The following ACSS1 variants were observed in gnomAD, a reference collection of about 807,000 sequenced individuals.
The protein encoded by ACSS1 is acetyl-coenzyme A synthetase 2-like, mitochondrial.
A neutral mutation model predicts 75.3 loss-of-function variants in ACSS1; 42 were observed. The observed-to-expected ratio is 0.56, with a 90% CI of 0.44 to 0.72. ACSS1 has a LOEUF of 0.72. ACSS1 is among the 30% of genes least tolerant of loss of function. The pLI is 0.00. For synonymous variants in ACSS1, 380 were observed against 376.8 expected (o/e 1.01, Z -0.10); for missense variants, 782 against 935.7 (o/e 0.84, Z 2.14).
intron 7 of ACSS1, among the ~76,000 whole-genome samples, chr20:25,017,282 T>C (rs2088536121): frequency 6.6e-6 from 1 of 152,186 alleles, no homozygotes; most frequent in Admixed American, 6.5e-5. Flanking sequence ...AGGGGGAATG[T>C]CTTGAGTGAG....
intron 7 of ACSS1, among the ~76,000 whole-genome samples, chr20:25,018,970 T>A (rs2088569285): frequency 1.3e-5 from 2 of 152,198 alleles, no homozygotes; most frequent in Admixed American, 1.3e-4. Context: ...TGGGAACAAG[T>A]GGTGAGCTCT....
At chr20:25,026,394 G>T (rs1406711509) in intron 3 of ACSS1, among the ~76,000 whole-genome samples, 1 of 152,192 alleles carries the variant, frequency 6.6e-6, no homozygotes, top group Non-Finnish European at 1.5e-5. Flanking sequence ...TAGGACACTG[G>T]CAGTTGCTAT....
At chr20:25,037,987 G>A (rs888373116) in intron 2 of ACSS1, among the ~76,000 whole-genome samples, 11 of 152,190 alleles carry the variant, frequency 7.2e-5, no homozygotes, top group African/African-American at 2.7e-4. Context: ...ATTATTTGAT[G>A]TCATGACCAT....
chr20:25,054,155 C>A (rs1332521381), intron 1 of ACSS1, among the ~76,000 whole-genome samples: 1 of 152,232 alleles, frequency 6.6e-6, no homozygotes, highest in African/African-American at 2.4e-5. Flanking sequence ...CCTCAACTGG[C>A]TATTGGAGTT....
At chr20:25,040,669 G>C (rs1272571957) in intron 2 of ACSS1, among the ~76,000 whole-genome samples, 1 of 152,152 alleles carries the variant, frequency 6.6e-6, no homozygotes, top group Non-Finnish European at 1.5e-5. Flanking sequence ...CTCCTGATAG[G>C]ACTGACTGCA....
chr20:25,016,986 T>C (rs917012574), intron 7 of ACSS1, among the ~76,000 whole-genome samples: 2 of 151,810 alleles, frequency 1.3e-5, no homozygotes, highest in African/African-American at 4.8e-5. Flanking sequence ...AGCTTTTTTT[T>C]TTTTTCTTTT....
chr20:25,007,426 C>T lies in ACSS1; in HGVS notation c.*336G>A. On this transcript the variant is annotated 3_prime_UTR_variant, in exon 14 of 14. Coordinates refer to ENST00000323482, the MANE Select transcript of ACSS1 (RefSeq NM_032501.4). ...GCTAACTAGCTCTGTGTTATCTGAG[C>T]AGGCGCGCTATCCCAGGGCCTCACC... 1.7e-6 allele frequency: 2 copies of T among 1,163,572 alleles called. No homozygotes were observed. Among genetic ancestry groups the T allele is most frequent in the East Asian group, 4.9e-5 (1 of 20,250 alleles). The allele number at this position is 1,163,572 out of a possible 1,614,324, so 72.1% of individuals were successfully genotyped here. A position where few individuals can be genotyped will look rare whatever the true frequency, so the allele number is the denominator to read the frequency against.
At chr20:25,031,093 C>G (rs1282501293) in intron 2 of ACSS1, 135 bp from the exon 3 acceptor site, 1 of 868,192 alleles carries the variant, frequency 1.2e-6, no homozygotes, top group Non-Finnish European at 1.9e-6. Context: ...CACTTGAATA[C>G]TTAATGCATG....
At chr20:25,014,805 C>T (rs2088486368) in intron 8 of ACSS1, among the ~76,000 whole-genome samples, 1 of 152,218 alleles carries the variant, frequency 6.6e-6, no homozygotes, top group Non-Finnish European at 1.5e-5. Flanking sequence ...AGGGACACGG[C>T]CCCTGAGCTC....
chr20:25,034,474 A>G (rs2088876429), intron 2 of ACSS1, among the ~76,000 whole-genome samples: 1 of 152,096 alleles, frequency 6.6e-6, no homozygotes, highest in African/African-American at 2.4e-5. Flanking sequence ...CGATCTCAGT[A>G]GACACCCCCA....
rs139238936 is a variant in ACSS1, at chr20:25,032,546, G to A, written c.432-1588C>T. The stretch of plus-strand genomic sequence containing the variant: ...GAGCTAACACAGAACGAAGAATGAG[G>A]GGAAGCCAAGGCCCTTTCTCTCTGG... On this transcript the variant is annotated intron_variant, in intron 2 of 13. Coordinates refer to ENST00000323482, the MANE Select transcript of ACSS1 (RefSeq NM_032501.4). 495 of 1,251,946 alleles carry A rather than the reference G, an allele frequency of 4.0e-4. No homozygotes were observed. The East Asian group carries it at 8.2e-3, about 21-fold the overall frequency. 77.6% of individuals were successfully genotyped at this position (1,251,946 alleles called of 1,614,324 possible).
chr20:25,051,836 T>C (rs1216950559), intron 1 of ACSS1, among the ~76,000 whole-genome samples: 1 of 152,198 alleles, frequency 6.6e-6, no homozygotes, highest in African/African-American at 2.4e-5. Context: ...TATCATTTAA[T>C]CCAAGCCCAT....
At chr20:25,032,871 C>T (rs2088850716) in intron 2 of ACSS1, among the ~76,000 whole-genome samples, 1 of 152,242 alleles carries the variant, frequency 6.6e-6, no homozygotes, top group African/African-American at 2.4e-5. Flanking sequence ...GCCCGCAGTT[C>T]TCCCCGCAGC....
In ACSS1 at chr20:25,013,667, AGACCCCGGAC is replaced by A; in HGVS notation, c.1453-15_1453-6del. The A allele has an allele frequency of 1.3e-6, 2 of 1,594,604 alleles. No individual in the cohort carries two copies. The highest frequency in any genetic ancestry group is 1.7e-6 in the Non-Finnish European group (2 of 1,169,624). On this transcript the variant is annotated splice_polypyrimidine_tract_variant and splice_region_variant and intron_variant, in intron 9 of 13. Transcript: ENST00000323482. Reference sequence around the variant, plus strand: ...GCTGCCCTCCACGACGCTGCCCTGTAGACCCCGGACATGCAAGTGAGACAGGGCAGGCTCT... The same window carrying A: ...GCTGCCCTCCACGACGCTGCCCTGTAATGCAAGTGAGACAGGGCAGGCTCT...
chr20:25,032,661 G>GT (rs985479345), intron 2 of ACSS1: 2 of 1,215,988 alleles, frequency 1.6e-6, no homozygotes, highest in African/African-American at 3.1e-5. Flanking sequence ...CTCGCAGCGT[G>GT]TTTGCATAGC....
At chr20:25,048,522 G>C (rs2089131866) in intron 1 of ACSS1, among the ~76,000 whole-genome samples, 1 of 152,178 alleles carries the variant, frequency 6.6e-6, no homozygotes, top group Admixed American at 6.5e-5. Flanking sequence ...CCCATGGTTG[G>C]TTCTGATGTG....
At chr20:25,015,481 G>A (rs1600310241) in intron 7 of ACSS1, among the ~76,000 whole-genome samples, 1 of 152,094 alleles carries the variant, frequency 6.6e-6, no homozygotes, top group East Asian at 1.9e-4. Flanking sequence ...ATTTTTAGTA[G>A]AGACGGGGTT....
intron 2 of ACSS1, among the ~76,000 whole-genome samples, chr20:25,039,122 G>C (rs1053022443): frequency 6.6e-6 from 1 of 152,142 alleles, no homozygotes; most frequent in Non-Finnish European, 1.5e-5. Context: ...GGTTCCCATG[G>C]AGAACCCACT....
At position 25,025,534 on chromosome 20, in the gene ACSS1, G is replaced by A. The variant is rs74819677; in HGVS notation, c.632-1893C>T. ...TTTTAGCTCAGAGTTCTGTCGTCTG[G>A]ACAGGCTTGGTGGGGTTCTCTGTTA... On this transcript the variant is annotated intron_variant, in intron 3 of 13. Transcript: ENST00000323482. Among the ~76,000 whole-genome samples, 1,106 of 152,276 alleles carry A rather than the reference G, an allele frequency of 7.3e-3. 15 individuals carry two copies. The highest frequency in any genetic ancestry group is 0.026 in the African/African-American group (1,073 of 41,540).
Sources: allele counts gnomAD v4.1 joint callset (sites outside exome capture counted in the v4.1 genomes callset), GRCh38; gene constraint gnomAD v4.1.1; transcripts MANE v1.5; gene names NCBI Gene and HGNC (gene_info 2026-07-23, HGNC 2026-07-21).